FBXO11: variants seen among roughly 807,000 people sequenced by gnomAD.
FBXO11 encodes the protein F-box protein 11.
In FBXO11, 13 loss-of-function variants were observed where a neutral mutation model predicts 117.0. That is an observed-to-expected ratio of 0.11 (90% CI 0.07 to 0.18). The LOEUF is 0.18. Among genes scored for constraint, FBXO11 ranks in the 10% least tolerant of loss-of-function variants. The probability of loss-of-function intolerance (pLI) is 1.00; values close to 1 mark genes in which losing one functional copy is unlikely to be tolerated. For synonymous variants in FBXO11, 490 were observed against 380.5 expected (o/e 1.29, Z -3.35); for missense variants, 767 against 1,164.4 (o/e 0.66, Z 4.97).
chr2:47,904,765 G>A (rs1309100140), intron 1 of FBXO11, among the ~76,000 whole-genome samples: 2 of 152,136 alleles, frequency 1.3e-5, no homozygotes, highest in Non-Finnish European at 2.9e-5. Flanking sequence ...CACTGCACAC[G>A]AGGGAGGGGG....
At chr2:47,867,302 C>A (rs1386546409) in intron 1 of FBXO11, among the ~76,000 whole-genome samples, 1 of 152,178 alleles carries the variant, frequency 6.6e-6, no homozygotes, top group Admixed American at 6.5e-5. Flanking sequence ...TCATCCTCCA[C>A]TGGAACTCAG....
At position 47,808,315 on chromosome 2, in the gene FBXO11, A is replaced by G; in HGVS notation, c.2654+14T>C. 1 of 1,612,562 alleles carries G rather than the reference A, an allele frequency of 6.2e-7. No individual in the cohort carries two copies. Among genetic ancestry groups the G allele is most frequent in the Non-Finnish European group, 8.5e-7 (1 of 1,179,328 alleles). On this transcript the variant is annotated intron_variant, in intron 22 of 22. Transcript: ENST00000403359. The stretch of plus-strand genomic sequence containing the variant: ...AAGTAATTGGGTAATATATCAAGCA[A>G]GTGTGCTACATACCTATCATGTCTA...
At chr2:47,879,061 T>C (rs563951996) in intron 1 of FBXO11, among the ~76,000 whole-genome samples, 4 of 152,310 alleles carry the variant, frequency 2.6e-5, no homozygotes, top group African/African-American at 9.6e-5. Context: ...GATTTCCTTG[T>C]CCATCCTTTC....
chr2:47,900,737 T>C (rs1195897554), intron 1 of FBXO11, among the ~76,000 whole-genome samples: 2 of 119,100 alleles, frequency 1.7e-5, no homozygotes, highest in East Asian at 5.2e-4. Flanking sequence ...CACACGTGTA[T>C]ATATATACAC....
intron 1 of FBXO11, among the ~76,000 whole-genome samples, chr2:47,841,308 G>A (rs1303519348): frequency 6.6e-6 from 1 of 152,198 alleles, no homozygotes; most frequent in Non-Finnish European, 1.5e-5. Context: ...AGTATTAGAT[G>A]AGGGGAAGCT....
At position 47,808,026 on chromosome 2, in the gene FBXO11, T is replaced by C; in HGVS notation, c.*92A>G. Reference sequence around the variant, plus strand: ...ATCCATTTTTAATACAGTCTCTTCCTGTAGCATGGGCAAATATTTTAAATC... The same window carrying C: ...ATCCATTTTTAATACAGTCTCTTCCCGTAGCATGGGCAAATATTTTAAATC... On this transcript the variant is annotated 3_prime_UTR_variant, in exon 23 of 23. Transcript: ENST00000403359. 2 of 1,176,954 alleles carry C rather than the reference T, an allele frequency of 1.7e-6. No individual in the cohort carries two copies. The highest frequency in any genetic ancestry group is 2.4e-6 in the Non-Finnish European group (2 of 826,030). The allele number at this position is 1,176,954 out of a possible 1,614,324, so 72.9% of individuals were successfully genotyped here.
At chr2:47,861,258 T>C (rs1359367461) in intron 1 of FBXO11, among the ~76,000 whole-genome samples, 2 of 151,922 alleles carry the variant, frequency 1.3e-5, no homozygotes, top group African/African-American at 4.8e-5. Flanking sequence ...ACACTTCCTA[T>C]GGAGTAGATA....
chr2:47,906,156 G>A lies in FBXO11; in HGVS notation c.-436C>T, dbSNP rs965120231. On this transcript the variant is annotated 5_prime_UTR_variant, in exon 1 of 23. Transcript: ENST00000403359. Reference sequence around the variant, plus strand: ...CTCCGGCAGCGGGGGGAGTGGGCGGGCGGGTGAGGAAGGGAGAAAAAGAGA... The same window carrying A: ...CTCCGGCAGCGGGGGGAGTGGGCGGACGGGTGAGGAAGGGAGAAAAAGAGA... 7.3e-5 allele frequency: 15 copies of A among 205,062 alleles called. No homozygotes were observed. The highest frequency in any genetic ancestry group is 1.5e-4 in the Non-Finnish European group (15 of 100,454). The allele number at this position is 205,062 out of a possible 1,614,324, so 12.7% of individuals were successfully genotyped here.
At chr2:47,845,417 T>C (rs2104910126) in intron 1 of FBXO11, among the ~76,000 whole-genome samples, 2 of 152,338 alleles carry the variant, frequency 1.3e-5, no homozygotes, top group South Asian at 4.1e-4. Context: ...GAATATGTGC[T>C]AATTTCTACA....
intron 1 of FBXO11, among the ~76,000 whole-genome samples, chr2:47,899,079 C>T (rs1444989783): frequency 6.6e-6 from 1 of 151,948 alleles, no homozygotes; most frequent in African/African-American, 2.4e-5. Flanking sequence ...TCGAGACCAT[C>T]CTGGCTAACA....
chr2:47,847,174 G>C (rs1372951679), intron 1 of FBXO11, among the ~76,000 whole-genome samples: 1 of 152,150 alleles, frequency 6.6e-6, no homozygotes, highest in Non-Finnish European at 1.5e-5. Flanking sequence ...GAACCTGAAA[G>C]GTGTAGACTG....
chr2:47,868,011 G>C (rs558843733), intron 1 of FBXO11, among the ~76,000 whole-genome samples: 8 of 152,248 alleles, frequency 5.3e-5, no homozygotes, highest in African/African-American at 7.2e-5. Flanking sequence ...AAGAAAGTGA[G>C]TGAAGTAAAA....
At position 47,868,796 on chromosome 2, in the gene FBXO11, C is replaced by T. The variant is rs74661717; in HGVS notation, c.233-29027G>A. 5.3e-4 allele frequency among the ~76,000 whole-genome samples: 81 copies of T among 152,322 alleles called. No homozygotes were observed. In the East Asian group the frequency reaches 0.013, roughly 25 times the overall value. On this transcript the variant is annotated intron_variant, in intron 1 of 22. Coordinates refer to ENST00000403359, the MANE Select transcript of FBXO11 (RefSeq NM_001190274.2). Reference sequence around the variant, plus strand: ...CCAATACTTAGCCCCCAATATAGTACCATTTCCTGGGGTGATCAGCCAGGT... The same window carrying T: ...CCAATACTTAGCCCCCAATATAGTATCATTTCCTGGGGTGATCAGCCAGGT...
At chr2:47,818,055 C>T (rs1294519022) in intron 16 of FBXO11, among the ~76,000 whole-genome samples, 3 of 152,054 alleles carry the variant, frequency 2.0e-5, no homozygotes, top group Non-Finnish European at 2.9e-5. Context: ...GCTGAGGTTG[C>T]GGTGAGCCGA....
intron 11 of FBXO11, among the ~76,000 whole-genome samples, chr2:47,830,676 C>T (rs189906684): frequency 6.6e-6 from 1 of 152,070 alleles, no homozygotes; most frequent in East Asian, 1.9e-4. Context: ...TTTAAAAATG[C>T]TGTGATATTT....
At chr2:47,882,507 C>T (rs1676506340) in intron 1 of FBXO11, among the ~76,000 whole-genome samples, 1 of 152,114 alleles carries the variant, frequency 6.6e-6, no homozygotes, top group South Asian at 2.1e-4. Flanking sequence ...ATAGGGGTTT[C>T]AATTCTAAGT....
chr2:47,885,300 G>A (rs1361045414), intron 1 of FBXO11, among the ~76,000 whole-genome samples: 1 of 152,158 alleles, frequency 6.6e-6, no homozygotes, highest in African/African-American at 2.4e-5. Flanking sequence ...GCTCACTCAA[G>A]AACAATGTGT....
At chr2:47,859,093 T>C (rs1315540792) in intron 1 of FBXO11, among the ~76,000 whole-genome samples, 2 of 149,770 alleles carry the variant, frequency 1.3e-5, no homozygotes, top group African/African-American at 2.4e-5. Flanking sequence ...TTAATAGCTA[T>C]AAAATTAAAG....
At chr2:47,839,551 A>G (rs1298456859) in intron 2 of FBXO11, 51 bp from the exon 3 acceptor site, 4 of 1,604,812 alleles carry the variant, frequency 2.5e-6, no homozygotes, top group Non-Finnish European at 2.6e-6. Flanking sequence ...ATCATCCATA[A>G]TCATTACTTC....
Sources: allele counts gnomAD v4.1 joint callset (sites outside exome capture counted in the v4.1 genomes callset), GRCh38; gene constraint gnomAD v4.1.1; transcripts MANE v1.5; gene names NCBI Gene and HGNC (gene_info 2026-07-23, HGNC 2026-07-21).